Variants in HECTD4 observed in about 807,000 individuals in gnomAD.
HECTD4 encodes HECT domain E3 ubiquitin protein ligase 4.
A neutral mutation model predicts 471.5 loss-of-function variants in HECTD4; 114 were observed. That is an observed-to-expected ratio of 0.24 (90% CI 0.21 to 0.28). The LOEUF is 0.28. Among genes scored for constraint, HECTD4 ranks in the 10% least tolerant of loss-of-function variants. The pLI is 1.00. For missense variants in HECTD4, 3,866 were observed against 5,651.5 expected, an observed-to-expected ratio of 0.68 and a Z score of 10.13; for synonymous variants, 2,012 against 2,256.0, an observed-to-expected ratio of 0.89 and a Z score of 3.07.
chr12:112,319,591 T>G lies in HECTD4; in HGVS notation c.329A>C (p.Glu110Ala). ...LWNAQRQLAL[E>A]EQHERESSGD... Reference sequence around the variant, plus strand: ...TGAACTTTCCCTTTCATGCTGTTCTTCTAAGGCCAGCTGGCGCTGGGCATT... The same window carrying G: ...TGAACTTTCCCTTTCATGCTGTTCTGCTAAGGCCAGCTGGCGCTGGGCATT... The change falls in exon 2 of 76, where the codon GAA becomes GCA. Residue 110 changes from glutamate (E) to alanine (A), a missense_variant. Around this residue, in one of 16 missense-constraint regions of HECTD4, gnomAD observed 440 missense variants for 636.0 expected, o/e 0.69. Coordinates refer to ENST00000682272, the MANE Select transcript of HECTD4 (RefSeq NM_001388303.1). This position sits in a 1 kb window ranked among gnomAD's most constrained non-coding sequence, Gnocchi z 5.3. 1 of 1,426,266 alleles carries G rather than the reference T, an allele frequency of 7.0e-7. No homozygotes were observed. Among genetic ancestry groups the G allele is most frequent in the South Asian group, 1.6e-5 (1 of 64,504 alleles). The allele number at this position is 1,426,266 out of a possible 1,614,324, so 88.4% of individuals were successfully genotyped here.
At chr12:112,352,132 G>A (rs973609140) in intron 1 of HECTD4, among the ~76,000 whole-genome samples, 1 of 152,112 alleles carries the variant, frequency 6.6e-6, no homozygotes, top group East Asian at 1.9e-4. Context: ...TTGAGACAGG[G>A]TATGCTCTTG....
chr12:112,248,276 A>C (rs1276309499), intron 26 of HECTD4, 44 bp downstream of exon 26: 2 of 1,535,512 alleles, frequency 1.3e-6, no homozygotes, highest in Admixed American at 3.9e-5. Flanking sequence ...ATTTCTTTAA[A>C]TTTCCATAAA....
Position 112,193,067 on chromosome 12 carries a change from C to T in HECTD4, c.9080G>A (p.Arg3027His), listed in dbSNP as rs1041326557. Residue 3027 changes from arginine to histidine, a missense_variant, in exon 58 of 76, where the codon CGC (arginine) becomes CAC (histidine). By Grantham distance (29) the Arg-to-His change is conservative (BLOSUM62 0). This residue lies in a region of HECTD4 where 364 missense variants were observed against 413.2 expected (regional missense o/e 0.88). Coordinates refer to ENST00000682272, the MANE Select transcript of HECTD4 (RefSeq NM_001388303.1). The surrounding 1 kb of genome is among the most constrained non-coding windows in gnomAD (Gnocchi z 5.2). Reference sequence around the variant, plus strand: ...TTGAGAACAGGCAACTTACTCTTTGCGGAATCCAGATTGACTTTCTTTACA... The same window carrying T: ...TTGAGAACAGGCAACTTACTCTTTGTGGAATCCAGATTGACTTTCTTTACA... ...VSCKESQSGF[R>H]KDSSLYKAPW... The T allele has an allele frequency of 2.5e-6, 4 of 1,613,990 alleles. No individual in the cohort carries two copies. Among genetic ancestry groups the T allele is most frequent in the African/African-American group, 2.7e-5 (2 of 75,052 alleles).
chr12:112,365,754 T>G (rs1240557112), intron 1 of HECTD4, among the ~76,000 whole-genome samples: 2 of 148,160 alleles, frequency 1.3e-5, no homozygotes, highest in East Asian at 2.0e-4. Flanking sequence ...TACTGCTGCT[T>G]CTTTGTGTTT....
chr12:112,356,088 C>A (rs1381503724), intron 1 of HECTD4, among the ~76,000 whole-genome samples: 1 of 151,906 alleles, frequency 6.6e-6, no homozygotes, highest in East Asian at 1.9e-4. Context: ...ATTTCATGAC[C>A]CTGAATAGTA....
At chr12:112,322,690 T>G (rs921456973) in intron 1 of HECTD4, 6 of 152,620 alleles carry the variant, frequency 3.9e-5, no homozygotes, top group African/African-American at 1.2e-4. Flanking sequence ...AGATGGGAAG[T>G]TGGTAAGTTA....
intron 1 of HECTD4, among the ~76,000 whole-genome samples, chr12:112,346,748 C>T (rs1270922459): frequency 6.6e-6 from 1 of 152,158 alleles, no homozygotes; most frequent in East Asian, 1.9e-4. Flanking sequence ...CCAGCCAGAA[C>T]TCAGTGGTGG....
rs2033252044 is a variant in HECTD4 at position 112,226,850 on chromosome 12, C to T, written c.6855-92G>A. 9 of 897,084 alleles carry T rather than the reference C, an allele frequency of 1.0e-5. No individual in the cohort carries two copies. The Admixed American group carries it at 1.4e-4, about 14-fold the overall frequency. The allele number at this position is 897,084 out of a possible 1,614,324, so 55.6% of individuals were successfully genotyped here. On this transcript the variant is annotated intron_variant, in intron 43 of 75. Coordinates refer to ENST00000682272, the MANE Select transcript of HECTD4 (RefSeq NM_001388303.1). Reference sequence around the variant, plus strand: ...GAAAAACATTTCAATCAATTTTGCCCCCCAGTTTACAACAAGGTTCAAACA... The same window carrying T: ...GAAAAACATTTCAATCAATTTTGCCTCCCAGTTTACAACAAGGTTCAAACA...
At position 112,194,537 on chromosome 12, in the gene HECTD4, C is replaced by T. The variant is rs143748441; in HGVS notation, c.8749+348G>A. On this transcript the variant is annotated intron_variant, in intron 56 of 75. Transcript: ENST00000682272. This position sits in a 1 kb window ranked among gnomAD's most constrained non-coding sequence, Gnocchi z 4.6. ...AACCAAATAGGTCTGCTTTGGAGGA[C>T]GCTGATGACAGGAACATCTCCTTTC... 8.5e-5 allele frequency among the ~76,000 whole-genome samples: 13 copies of T among 152,294 alleles called. No homozygotes were observed. The highest frequency in any genetic ancestry group is 1.9e-4 in the East Asian group (1 of 5,188).
chr12:112,161,957 TGGCCACA>T lies in HECTD4; in HGVS notation c.*423_*429del. 1 of 156,816 alleles carries T rather than the reference TGGCCACA, an allele frequency of 6.4e-6. No homozygotes were observed. Among genetic ancestry groups the T allele is most frequent in the South Asian group, 1.9e-4 (1 of 5,152 alleles). 9.7% of individuals were successfully genotyped at this position (156,816 alleles called of 1,614,324 possible). On this transcript the variant is annotated 3_prime_UTR_variant, in exon 76 of 76. Coordinates refer to ENST00000682272, the MANE Select transcript of HECTD4 (RefSeq NM_001388303.1). ...CCAGCTCGAGGCTGGAGGGCAGGGC[TGGCCACA>T]GGCTTGTCTGTGGAGGCGCTCTGCT...
intron 4 of HECTD4, among the ~76,000 whole-genome samples, chr12:112,311,317 C>G (rs2035366018): frequency 6.6e-6 from 1 of 151,330 alleles, no homozygotes; most frequent in South Asian, 2.1e-4. Flanking sequence ...GAAAAACAGG[C>G]CAGGCGCCGT....
At chr12:112,372,517 CGT>C (rs34695019) in intron 1 of HECTD4, among the ~76,000 whole-genome samples, 145,609 of 151,902 alleles carry the variant, frequency 0.96, 69,833 homozygotes, top group East Asian at 1. Context: ...CACCTGACCT[CGT>C]GTGATCCGCC....
intron 6 of HECTD4, among the ~76,000 whole-genome samples, chr12:112,307,396 T>C (rs2035288757): frequency 2.0e-5 from 3 of 152,246 alleles, no homozygotes; most frequent in Admixed American, 2.0e-4. Flanking sequence ...ATATCTAGTT[T>C]GTGACCTACA....
chr12:112,353,353 G>A (rs2036279342), intron 1 of HECTD4, among the ~76,000 whole-genome samples: 2 of 152,164 alleles, frequency 1.3e-5, no homozygotes, highest in Non-Finnish European at 2.9e-5. Flanking sequence ...TTCTAAACAT[G>A]CTACTGAGAG....
At position 112,171,119 on chromosome 12, in the gene HECTD4, T is replaced by C; in HGVS notation, c.11930A>G (p.Lys3977Arg). 1.9e-6 allele frequency: 3 copies of C among 1,612,738 alleles called. No homozygotes were observed. Among genetic ancestry groups the C allele is most frequent in the South Asian group, 1.1e-5 (1 of 90,804 alleles). Residue 3977 changes from lysine to arginine, a missense_variant and splice_region_variant, in exon 68 of 76, where the codon AAA (lysine) becomes AGA (arginine). Transcript: ENST00000682272. ...CCAGGGCAGGTGCAGGCACTGACCTTTGGCCTCCTTCAGCAGGGCGGCGAT... is the reference window on the plus strand; with the variant it reads ...CCAGGGCAGGTGCAGGCACTGACCTCTGGCCTCCTTCAGCAGGGCGGCGAT... ...HSIAALLKEA[K>R]GLIFYDTKVT...
chr12:112,256,506 C>G lies in HECTD4; in HGVS notation c.3141G>C (p.Glu1047Asp). 6.3e-7 allele frequency: 1 copy of G among 1,587,610 alleles called. No individual in the cohort carries two copies. Among genetic ancestry groups the G allele is most frequent in the Non-Finnish European group, 8.5e-7 (1 of 1,170,476 alleles). ...CAGTGAGAAATCCTGGCTCTTCCTT[C>G]TCTTCTAACATTCTAAACAGAAAAA... ...RLFPDERMLE[E>D]KEEPGFLTGL... Residue 1047 changes from glutamate (E) to aspartate (D), a missense_variant, in exon 21 of 76, where the codon GAG (glutamate) becomes GAC (aspartate). By Grantham distance (45) the Glu-to-Asp change is conservative. Around this residue, in one of 16 missense-constraint regions of HECTD4, gnomAD observed 525 missense variants for 672.6 expected, o/e 0.78. Coordinates refer to ENST00000682272, the MANE Select transcript of HECTD4 (RefSeq NM_001388303.1).
At position 112,169,600 on chromosome 12, in the gene HECTD4, T is replaced by C; in HGVS notation, c.12111A>G (p.Ser4037=). 6.2e-7 allele frequency: 1 copy of C among 1,613,674 alleles called. No homozygotes were observed. Among genetic ancestry groups the C allele is most frequent in the Non-Finnish European group, 8.5e-7 (1 of 1,179,888 alleles). The change falls in exon 70 of 76, where the codon TCA becomes TCG. Residue 4037 remains serine, a synonymous_variant. Transcript: ENST00000682272. ...TGACGCAGAGCTGAGACGACGGCAC[T>C]GAGGCCAGCTGCCTGGCAGCCTGAC... ...YFCQAARQLA[S]VPSSQLCVKL...
chr12:112,252,388 T>TACATTTTGTCCACGGC (rs1286031429), intron 23 of HECTD4, 36 bp downstream of exon 23: 3 of 1,556,194 alleles, frequency 1.9e-6, no homozygotes, highest in Non-Finnish European at 2.6e-6. Flanking sequence ...TAGCAGATAG[T>TACATTTTGTCCACGGC]ACATTTTGTC....
rs562056678 is a variant in HECTD4 at position 112,243,582 on chromosome 12, A to G, written c.4791+38T>C. 1 of 1,604,340 alleles carries G rather than the reference A, an allele frequency of 6.2e-7. No individual in the cohort carries two copies. Among genetic ancestry groups the G allele is most frequent in the African/African-American group, 1.3e-5 (1 of 74,776 alleles). Reference sequence around the variant, plus strand: ...CTGCCGCAAGACCCCGCATGCTGTTAGGTGCTATTCATCTGGAGCCCGCAA... The same window carrying G: ...CTGCCGCAAGACCCCGCATGCTGTTGGGTGCTATTCATCTGGAGCCCGCAA... On this transcript the variant is annotated intron_variant, in intron 31 of 75. Coordinates refer to ENST00000682272, the MANE Select transcript of HECTD4 (RefSeq NM_001388303.1). The surrounding 1 kb of genome is among the most constrained non-coding windows in gnomAD (Gnocchi z 6.6).
Sources: allele counts gnomAD v4.1 joint callset (sites outside exome capture counted in the v4.1 genomes callset), GRCh38; gene constraint gnomAD v4.1.1; regional missense constraint gnomAD v4.1.1; non-coding constraint Gnocchi (gnomAD v3.1); transcripts MANE v1.5; gene names NCBI Gene and HGNC (gene_info 2026-07-23, HGNC 2026-07-21).